PIF1: variants seen among roughly 807,000 people sequenced by gnomAD.
The protein encoded by PIF1 is ATP-dependent DNA helicase PIF1.
PIF1 carries 67 observed loss-of-function variants against 62.3 expected under a neutral mutation model. The observed-to-expected ratio is 1.08, with a 90% confidence interval of 0.88 to 1.32. The LOEUF (loss-of-function observed/expected upper bound fraction) is 1.32, where lower values mean the gene tolerates loss of function less well. Ranked by LOEUF, PIF1 falls within the 40% of genes most tolerant of loss-of-function variation. PIF1 has a pLI of 0.00. For missense variants in PIF1, 886 were observed against 866.1 expected, an observed-to-expected ratio of 1.02 and a Z score of -0.29; for synonymous variants, 364 against 379.5, an observed-to-expected ratio of 0.96 and a Z score of 0.47.
At chr15:64,818,777 G>A (rs1162187597) in intron 9 of PIF1, 1 of 310,438 alleles carries the variant, frequency 3.2e-6, no homozygotes, top group Non-Finnish European at 5.9e-6. Context: ...ATTGAGGGAG[G>A]AATCAGGACT....
At chr15:64,819,082 A>T in intron 9 of PIF1, 35 bp downstream of exon 9, 1 of 1,515,676 alleles carries the variant, frequency 6.6e-7, no homozygotes, top group Non-Finnish European at 8.9e-7. Flanking sequence ...GGGACAGCCC[A>T]AGCTCCCAGG....
upstream of PIF1, among the ~76,000 whole-genome samples, chr15:64,826,762 T>C (rs1196595225): frequency 6.8e-6 from 1 of 147,334 alleles, no homozygotes; most frequent in Admixed American, 6.8e-5. Flanking sequence ...ATATATATAA[T>C]TTTTTTTTCG....
intron 8 of PIF1, 37 bp downstream of exon 8, chr15:64,819,810 C>T (rs368261394): frequency 1.2e-6 from 2 of 1,608,224 alleles, no homozygotes; most frequent in South Asian, 2.2e-5. Context: ...TATAACTCTT[C>T]CCAGCTGGTC....
At chr15:64,819,047 G>A (rs993146583) in intron 9 of PIF1, 70 bp downstream of exon 9, 23 of 1,202,674 alleles carry the variant, frequency 1.9e-5, no homozygotes, top group Non-Finnish European at 2.6e-5. Flanking sequence ...CTGGGCAGAG[G>A]GGTAGGGATC....
In PIF1 at chr15:64,818,010, T is replaced by TGGCC; in HGVS notation, c.1606_1609dup (p.Gln537ArgfsTer62). 6.2e-7 allele frequency: 1 copy of TGGCC among 1,613,400 alleles called. No individual in the cohort carries two copies. Among genetic ancestry groups the TGGCC allele is most frequent in the Non-Finnish European group, 8.5e-7 (1 of 1,179,754 alleles). On this transcript the variant is annotated frameshift_variant, in exon 11 of 13. Transcript: ENST00000559239. LOFTEE classifies it high-confidence loss of function. ...GGGCAGCTGCTGCCGACTGAGGAGC[T>TGGCC]GGCCCCCGGTGGCCTGCACCGTCCA... is the stretch of plus-strand genomic sequence containing the variant.
chr15:64,818,084 G>A lies in PIF1; in HGVS notation c.1536C>T (p.Pro512=), dbSNP rs1217865496. Residue 512 remains proline (P), a synonymous_variant, in exon 11 of 13, where the codon CCC becomes CCT. Transcript: ENST00000559239. ...TGACTCCACACAGGAACCGCACCTGGGGTAGCCCTAAGGAGAGCATGGAGC... is the reference window on the plus strand; with the variant it reads ...TGACTCCACACAGGAACCGCACCTGAGGTAGCCCTAAGGAGAGCATGGAGC... The part of the protein sequence containing the change: ...VGFEAEGRGL[P]QVRFLCGVTE... 1.2e-6 allele frequency: 2 copies of A among 1,613,862 alleles called. No individual in the cohort carries two copies. The highest frequency in any genetic ancestry group is 1.7e-6 in the Non-Finnish European group (2 of 1,179,928).
Position 64,817,980 on chromosome 15 carries a change from T to A in PIF1, c.1640A>T (p.Gln547Leu), listed in dbSNP as rs1456478843. The A allele has an allele frequency of 2.4e-5, 38 of 1,613,282 alleles. No individual in the cohort carries two copies. In the Admixed American group the frequency reaches 6.3e-4, roughly 27 times the overall value. Reference sequence around the variant, plus strand: ...GTGGATGGACATCGCCCAGGCCAGCTGGAGGGGCAGCTGCTGCCGACTGAG... The same window carrying A: ...GTGGATGGACATCGCCCAGGCCAGCAGGAGGGGCAGCTGCTGCCGACTGAG... ...QLLSRQQLPLQLAWAMSIHKS... is the reference protein window; with the variant it reads ...QLLSRQQLPLLLAWAMSIHKS... The change falls in exon 11 of 13, where the codon CAG (glutamine) becomes CTG (leucine). Residue 547 changes from glutamine to leucine, a missense_variant. By Grantham distance (113) the Gln-to-Leu change is moderately radical. Transcript: ENST00000559239.
chr15:64,824,575 A>G (rs984552720), intron 1 of PIF1, among the ~76,000 whole-genome samples: 1 of 152,072 alleles, frequency 6.6e-6, no homozygotes, highest in African/African-American at 2.4e-5. Context: ...GGCCGGGCGC[A>G]GTGGCTCGCG....
chr15:64,824,705 G>C (rs2084342085), intron 1 of PIF1, among the ~76,000 whole-genome samples: 1 of 151,624 alleles, frequency 6.6e-6, no homozygotes, highest in Non-Finnish European at 1.5e-5. Flanking sequence ...AAATTAGCCG[G>C]GCGTGGTGGC....
At position 64,816,252 on chromosome 15, in the gene PIF1, CG is replaced by C; in HGVS notation, c.*45del. The C allele has an allele frequency of 6.2e-7, 1 of 1,611,666 alleles. No homozygotes were observed. The highest frequency in any genetic ancestry group is 8.5e-7 in the Non-Finnish European group (1 of 1,179,398). On this transcript the variant is annotated 3_prime_UTR_variant, in exon 13 of 13. Coordinates refer to ENST00000559239, the MANE Select transcript of PIF1 (RefSeq NM_001286496.2). ...CCTGGGCCACTAGGGAGCAGGAGGA[CG>C]GGGAGGCCACAGGCCACCCTTTGTC...
intron 1 of PIF1, among the ~76,000 whole-genome samples, chr15:64,825,340 G>A (rs1056399799): frequency 1.3e-5 from 2 of 152,116 alleles, no homozygotes; most frequent in African/African-American, 4.8e-5. Context: ...GGCTAAGAGA[G>A]GGAAACTCAC....
At position 64,821,107 on chromosome 15, in the gene PIF1, G is replaced by A. The variant is rs773734005; in HGVS notation, c.1087-19C>T. Reference sequence around the variant, plus strand: ...TCTTGGACTGGTGGGGGCAGGGTGGGGGTGGGTCAAGGAGCAGAGCAGACC... The same window carrying A: ...TCTTGGACTGGTGGGGGCAGGGTGGAGGTGGGTCAAGGAGCAGAGCAGACC... On this transcript the variant is annotated intron_variant, in intron 6 of 12. Coordinates refer to ENST00000559239, the MANE Select transcript of PIF1 (RefSeq NM_001286496.2). 1.9e-6 allele frequency: 3 copies of A among 1,613,110 alleles called. No individual in the cohort carries two copies. Among genetic ancestry groups the A allele is most frequent in the African/African-American group, 1.3e-5 (1 of 75,020 alleles).
Position 64,824,008 on chromosome 15 carries a change from G to C in PIF1, c.328C>G (p.Pro110Ala). Residue 110 changes from proline to alanine, a missense_variant, in exon 2 of 13, where the codon CCA becomes GCA. Coordinates refer to ENST00000559239, the MANE Select transcript of PIF1 (RefSeq NM_001286496.2). ...CGCAGGAAGCGGCGCAGGCGGTCTG[G>C]GGGGCAGTCCGAGAGCAGCAGCTGC... ...AVQLLLSDCP[P>A]DRLRRFLRTL... The C allele has an allele frequency of 5.4e-6, 7 of 1,297,920 alleles. No individual in the cohort carries two copies. The highest frequency in any genetic ancestry group is 5.9e-6 in the Non-Finnish European group (6 of 1,023,756). The allele number at this position is 1,297,920 out of a possible 1,614,324, so 80.4% of individuals were successfully genotyped here. A position where few individuals can be genotyped will look rare whatever the true frequency, so the allele number is the denominator to read the frequency against.
chr15:64,816,422 G>T, intron 12 of PIF1, 65 bp from the exon 13 acceptor site: 1 of 1,601,676 alleles, frequency 6.2e-7, no homozygotes, highest in South Asian at 1.1e-5. Context: ...TAACCTGGGG[G>T]CCAGCATCTC....
At position 64,816,268 on chromosome 15, in the gene PIF1, C is replaced by T. The variant is rs1027592285; in HGVS notation, c.*30G>A. 8 of 1,613,374 alleles carry T rather than the reference C, an allele frequency of 5.0e-6. No homozygotes were observed. The African/African-American group carries it at 5.3e-5, about 11-fold the overall frequency. ...GCAGGAGGACGGGGAGGCCACAGGC[C>T]ACCCTTTGTCTTCTCTTTGTGGGTG... is the stretch of plus-strand genomic sequence containing the variant. On this transcript the variant is annotated 3_prime_UTR_variant, in exon 13 of 13. Transcript: ENST00000559239.
rs770731971 is a variant in PIF1 at position 64,823,872 on chromosome 15, G to C, written c.464C>G (p.Pro155Arg). 7.2e-7 allele frequency: 1 copy of C among 1,386,456 alleles called. No homozygotes were observed. The highest frequency in any genetic ancestry group is 2.8e-5 in the East Asian group (1 of 35,992). The allele number at this position is 1,386,456 out of a possible 1,614,324, so 85.9% of individuals were successfully genotyped here. The stretch of plus-strand genomic sequence containing the variant: ...GGCCGCCCTGAGCCGCCGCTCCTCG[G>C]GCTGCACAGGGCTGATGGTGACGAA... ...RDFVTISPVQ[P>R]EERRLRAATR... The change falls in exon 2 of 13, where the codon CCC becomes CGC. Residue 155 changes from proline (P) to arginine (R), a missense_variant. Coordinates refer to ENST00000559239, the MANE Select transcript of PIF1 (RefSeq NM_001286496.2).
chr15:64,824,343 G>A lies in PIF1; in HGVS notation c.-8C>T. The A allele has an allele frequency of 2.4e-6, 3 of 1,247,848 alleles. No individual in the cohort carries two copies. Among genetic ancestry groups the A allele is most frequent in the Non-Finnish European group, 3.0e-6 (3 of 995,476 alleles). The allele number at this position is 1,247,848 out of a possible 1,614,324, so 77.3% of individuals were successfully genotyped here. A position where few individuals can be genotyped will look rare whatever the true frequency, so the allele number is the denominator to read the frequency against. On this transcript the variant is annotated 5_prime_UTR_variant, in exon 2 of 13. Transcript: ENST00000559239. ...CTCTATGCCCGAGAGCATCGTCACC[G>A]CCTCTGCTGGTCTGCGAAGACACCG...
At chr15:64,821,130 A>T in intron 6 of PIF1, 37 bp downstream of exon 6, 1 of 1,613,358 alleles carries the variant, frequency 6.2e-7, no homozygotes, top group South Asian at 1.1e-5. Flanking sequence ...AGCAGAGCAG[A>T]CCCCCAAGGA....
intron 8 of PIF1, among the ~76,000 whole-genome samples, chr15:64,819,478 T>G (rs190923321): frequency 2.6e-5 from 4 of 152,142 alleles, no homozygotes; most frequent in Admixed American, 2.6e-4. Context: ...GGCTAATTTT[T>G]TTCTATTTTT....
Sources: gnomAD v4.1 joint callset for allele counts (sites outside exome capture counted in the v4.1 genomes callset) on GRCh38, gnomAD v4.1.1 for gene constraint, MANE v1.5 for transcripts, NCBI Gene and HGNC (gene_info 2026-07-23, HGNC 2026-07-21) for gene names.